KCNAB1: variants seen among roughly 807,000 people sequenced by gnomAD.
KCNAB1 encodes the protein voltage-gated potassium channel subunit beta-1.
Under a neutral mutation model 64.6 loss-of-function variants are expected in KCNAB1, and 35 were observed. The observed-to-expected ratio is 0.54, with a 90% confidence interval of 0.41 to 0.72. The LOEUF (loss-of-function observed/expected upper bound fraction) is 0.72, where lower values mean the gene tolerates loss of function less well. Among genes scored for constraint, KCNAB1 ranks in the 30% least tolerant of loss-of-function variants. The pLI is 0.00. For synonymous variants in KCNAB1, 177 were observed against 183.8 expected (o/e 0.96, Z 0.30); for missense variants, 401 against 512.9 (o/e 0.78, Z 2.11).
chr3:156,124,383 AT>A (rs1213645633), intron 1 of KCNAB1, among the ~76,000 whole-genome samples: 11 of 151,660 alleles, frequency 7.3e-5, no homozygotes, highest in African/African-American at 2.4e-4. Flanking sequence ...CGCCCAGCTA[AT>A]TTTTGTATTT....
At chr3:156,126,838 G>GT (rs746401389) in intron 1 of KCNAB1, among the ~76,000 whole-genome samples, 46 of 151,250 alleles carry the variant, frequency 3.0e-4, no homozygotes, top group Non-Finnish European at 5.4e-4. Flanking sequence ...AGTGACTTAA[G>GT]TAAGTATAGC....
chr3:156,509,623 G>C (rs1050938995), intron 8 of KCNAB1, among the ~76,000 whole-genome samples: 5 of 152,198 alleles, frequency 3.3e-5, no homozygotes, highest in African/African-American at 1.2e-4. Context: ...TATGTAGTCG[G>C]AGTTGAGAAC....
chr3:156,335,519 T>C (rs2108053460), intron 1 of KCNAB1, among the ~76,000 whole-genome samples: 1 of 152,372 alleles, frequency 6.6e-6, no homozygotes, highest in East Asian at 1.9e-4. Context: ...TATTTACTCC[T>C]ATTGCATGTC....
At chr3:156,257,194 C>T (rs1471748308) in intron 1 of KCNAB1, among the ~76,000 whole-genome samples, 2 of 152,216 alleles carry the variant, frequency 1.3e-5, no homozygotes, top group East Asian at 3.8e-4. Flanking sequence ...ATATCAGACA[C>T]ACCTGGAGTG....
intron 1 of KCNAB1, among the ~76,000 whole-genome samples, chr3:156,278,834 A>T (rs1719510929): frequency 6.6e-6 from 1 of 152,192 alleles, no homozygotes; most frequent in Non-Finnish European, 1.5e-5. Context: ...ATGCTACATC[A>T]TCAACACAAA....
chr3:156,421,735 T>C, intron 2 of KCNAB1, 76 bp downstream of exon 2: 1 of 1,337,730 alleles, frequency 7.5e-7, no homozygotes, highest in South Asian at 1.2e-5. Flanking sequence ...GTGACTGTGG[T>C]CTAGGCCAGG....
intron 1 of KCNAB1, among the ~76,000 whole-genome samples, chr3:156,317,202 G>A (rs1722328652): frequency 6.6e-6 from 1 of 152,144 alleles, no homozygotes; most frequent in African/African-American, 2.4e-5. Flanking sequence ...TCAGCAGTTA[G>A]AAATACGATT....
intron 2 of KCNAB1, among the ~76,000 whole-genome samples, chr3:156,449,075 GA>G (rs1465008492): frequency 6.6e-6 from 1 of 151,898 alleles, no homozygotes; most frequent in Non-Finnish European, 1.5e-5. Context: ...CTGAATATAA[GA>G]ATGACAAACT....
chr3:156,209,282 CA>C lies in KCNAB1; in HGVS notation c.275+88399del, dbSNP rs369809707. 1.2e-4 allele frequency among the ~76,000 whole-genome samples: 19 copies of C among 152,256 alleles called. No homozygotes were observed. In the South Asian group the frequency reaches 1.5e-3, roughly 12 times the overall value. On this transcript the variant is annotated intron_variant, in intron 1 of 13. Transcript: ENST00000490337. Reference sequence around the variant, plus strand: ...ATTAGGGTGGGTACTCTAGGCAGAGCAAATAGCATGTGCAAAGGTACTATGG... The same window carrying C: ...ATTAGGGTGGGTACTCTAGGCAGAGCAATAGCATGTGCAAAGGTACTATGG...
At chr3:156,179,408 G>A (rs954266844) in intron 1 of KCNAB1, among the ~76,000 whole-genome samples, 4 of 149,092 alleles carry the variant, frequency 2.7e-5, no homozygotes, top group African/African-American at 7.5e-5. Context: ...ATTATTCCCT[G>A]GTTTGGAACC....
intron 1 of KCNAB1, among the ~76,000 whole-genome samples, chr3:156,200,343 C>T (rs951203022): frequency 2.6e-5 from 4 of 152,210 alleles, no homozygotes; most frequent in East Asian, 1.9e-4. Context: ...TAGCAGAGCT[C>T]GAGCGCTGTG....
intron 1 of KCNAB1, among the ~76,000 whole-genome samples, chr3:156,371,794 G>A (rs1402840291): frequency 6.6e-6 from 1 of 152,094 alleles, no homozygotes; most frequent in Non-Finnish European, 1.5e-5. Context: ...ACAATGGTCA[G>A]TCTAACTCTG....
At chr3:156,280,850 T>G (rs1316552764) in intron 1 of KCNAB1, among the ~76,000 whole-genome samples, 46 of 150,356 alleles carry the variant, frequency 3.1e-4, no homozygotes, top group Middle Eastern at 7.0e-3. Flanking sequence ...CTTATCAGCT[T>G]AAGGAGATTT....
intron 1 of KCNAB1, among the ~76,000 whole-genome samples, chr3:156,288,359 A>G (rs1720210191): frequency 1.3e-5 from 2 of 152,210 alleles, no homozygotes; most frequent in African/African-American, 4.8e-5. Context: ...AACAATATCT[A>G]TATCTATATT....
intron 1 of KCNAB1, among the ~76,000 whole-genome samples, chr3:156,338,643 C>T (rs1282009407): frequency 6.6e-6 from 1 of 152,126 alleles, no homozygotes; most frequent in Non-Finnish European, 1.5e-5. Context: ...TTTCACTAAG[C>T]ATCCCAGAGT....
intron 1 of KCNAB1, among the ~76,000 whole-genome samples, chr3:156,322,563 A>T (rs1384413927): frequency 6.6e-6 from 1 of 152,232 alleles, no homozygotes; most frequent in African/African-American, 2.4e-5. Context: ...CAAATACTAC[A>T]CCATCTTAAC....
chr3:156,220,696 G>A (rs1434712238), intron 1 of KCNAB1, among the ~76,000 whole-genome samples: 1 of 152,120 alleles, frequency 6.6e-6, no homozygotes, highest in Non-Finnish European at 1.5e-5. Context: ...AGTTTCTTTT[G>A]CTGTGCAGAA....
At position 156,128,865 on chromosome 3, in the gene KCNAB1, GGC is replaced by G. The variant is rs377411694; in HGVS notation, c.275+7982_275+7983del. ...TATAAATTCATGGCTATGAGAGCAG[GGC>G]GCAAGGGTAAGTTTTAAAATAAATG... On this transcript the variant is annotated intron_variant, in intron 1 of 13. Coordinates refer to ENST00000490337, the MANE Select transcript of KCNAB1 (RefSeq NM_172160.3). Among the ~76,000 whole-genome samples the G allele has an allele frequency of 2.4e-3, 359 of 152,252 alleles. 3 individuals are homozygous for G. Among genetic ancestry groups the G allele is most frequent in the African/African-American group, 8.3e-3 (346 of 41,554 alleles).
intron 1 of KCNAB1, among the ~76,000 whole-genome samples, chr3:156,380,638 G>A (rs927140299): frequency 1.3e-5 from 2 of 152,180 alleles, no homozygotes; most frequent in African/African-American, 4.8e-5. Context: ...ACTAAATTTG[G>A]TGAGGTTGGG....
Sources: gnomAD v4.1 joint callset for allele counts (sites outside exome capture counted in the v4.1 genomes callset) on GRCh38, gnomAD v4.1.1 for gene constraint, MANE v1.5 for transcripts, NCBI Gene and HGNC (gene_info 2026-07-23, HGNC 2026-07-21) for gene names.